Variants in CIT observed in about 807,000 individuals in gnomAD.
The protein encoded by CIT is citron rho-interacting serine/threonine kinase, also known as citron Rho-interacting kinase.
CIT carries 79 observed loss-of-function variants against 272.7 expected under a neutral mutation model. The ratio of observed to expected loss-of-function variants is 0.29; its 90% CI spans 0.24 to 0.35. The LOEUF is 0.35. Among genes scored for constraint, CIT ranks in the 10% least tolerant of loss-of-function variants. CIT has a pLI of 1.00. For missense variants in CIT, 1,909 were observed against 2,618.3 expected (o/e 0.73, Z 5.91); for synonymous variants, 948 against 995.6 (o/e 0.95, Z 0.90).
At chr12:119,823,136 A>G (rs1967868465) in intron 8 of CIT, among the ~76,000 whole-genome samples, 163 bp from the exon 9 acceptor site, 1 of 152,058 alleles carries the variant, frequency 6.6e-6, no homozygotes, top group Non-Finnish European at 1.5e-5. Flanking sequence ...CGTGTTCCCA[A>G]AATAAGTGGC....
intron 5 of CIT, among the ~76,000 whole-genome samples, chr12:119,848,853 C>A (rs1331391039): frequency 6.6e-6 from 1 of 152,018 alleles, no homozygotes; most frequent in Non-Finnish European, 1.5e-5. Context: ...TGGCAAAACC[C>A]CGTCTCTACT....
intron 28 of CIT, among the ~76,000 whole-genome samples, chr12:119,724,631 C>T (rs1399031191): frequency 6.6e-6 from 1 of 152,016 alleles, no homozygotes; most frequent in East Asian, 1.9e-4. Context: ...TTCCAATGAA[C>T]AGATAGTGGC....
chr12:119,846,862 G>C (rs1969841273), intron 5 of CIT, among the ~76,000 whole-genome samples: 1 of 151,038 alleles, frequency 6.6e-6, no homozygotes, highest in South Asian at 2.1e-4. Flanking sequence ...CTATGATCAT[G>C]CCACTGCAAC....
Position 119,770,515 on chromosome 12 carries a change from G to A in CIT, c.2208+270C>T, listed in dbSNP as rs1305337521. ...CTTTAAAAATGTATTGAAAATGATAGATGCACGTTCCACTAAAAAAAAAAA... is the reference window on the plus strand; with the variant it reads ...CTTTAAAAATGTATTGAAAATGATAAATGCACGTTCCACTAAAAAAAAAAA... On this transcript the variant is annotated intron_variant, in intron 18 of 47. Transcript: ENST00000392521. The surrounding 1 kb of genome is among the most constrained non-coding windows in gnomAD (Gnocchi z 4.4). Among the ~76,000 whole-genome samples the A allele has an allele frequency of 8.2e-6, 1 of 122,370 alleles. No individual in the cohort carries two copies. The highest frequency in any genetic ancestry group is 1.7e-5 in the Non-Finnish European group (1 of 60,236). The allele number at this position is 122,370 out of a possible 152,430, so 80.3% of individuals were successfully genotyped here.
rs1956315687 is a variant in CIT at position 119,697,847 on chromosome 12, T to A, written c.5703-9A>T. On this transcript the variant is annotated splice_polypyrimidine_tract_variant and intron_variant, in intron 45 of 47. Transcript: ENST00000392521. This position sits in a 1 kb window ranked among gnomAD's most constrained non-coding sequence, Gnocchi z 4.9. Reference sequence around the variant, plus strand: ...ACGCTCGGGCAGGGGTCCTGCAGAGTCCCAGAGTTCCAGTTACCTTCATTG... The same window carrying A: ...ACGCTCGGGCAGGGGTCCTGCAGAGACCCAGAGTTCCAGTTACCTTCATTG... 6.2e-7 allele frequency: 1 copy of A among 1,613,496 alleles called. No homozygotes were observed.
intron 13 of CIT, among the ~76,000 whole-genome samples, chr12:119,780,032 A>G (rs1964141272): frequency 6.6e-6 from 1 of 152,206 alleles, no homozygotes; most frequent in African/African-American, 2.4e-5. Flanking sequence ...GGGGAACTGC[A>G]GACAGGTTTC....
intron 9 of CIT, among the ~76,000 whole-genome samples, chr12:119,803,716 T>A (rs1966406927): frequency 6.6e-6 from 1 of 152,184 alleles, no homozygotes; most frequent in Non-Finnish European, 1.5e-5. Flanking sequence ...CTTCCTGCTG[T>A]TTCCAGAAGG....
Position 119,804,075 on chromosome 12 carries a change from A to G in CIT, c.1112-686T>C. ...TGCAGTTTAATCAGCATAATGAAGC[A>G]CCAGCCAAATAAAGTTCCTACCGGT... On this transcript the variant is annotated intron_variant, in intron 9 of 47. Coordinates refer to ENST00000392521, the MANE Select transcript of CIT (RefSeq NM_001206999.2). This position sits in a 1 kb window ranked among gnomAD's most constrained non-coding sequence, Gnocchi z 5.3. 3 of 727,836 alleles carry G rather than the reference A, an allele frequency of 4.1e-6. No individual in the cohort carries two copies. The highest frequency in any genetic ancestry group is 5.0e-6 in the Non-Finnish European group (3 of 595,160). 45.1% of individuals were successfully genotyped at this position (727,836 alleles called of 1,614,324 possible).
At chr12:119,840,288 A>T (rs1346525694) in intron 5 of CIT, among the ~76,000 whole-genome samples, 1 of 152,230 alleles carries the variant, frequency 6.6e-6, no homozygotes, top group East Asian at 1.9e-4. Flanking sequence ...ACTGCACTCC[A>T]GCTTGGATGA....
intron 5 of CIT, among the ~76,000 whole-genome samples, chr12:119,848,824 G>A (rs7484669): frequency 6.6e-6 from 1 of 152,076 alleles, no homozygotes; most frequent in Non-Finnish European, 1.5e-5. Context: ...TCAGGACTTC[G>A]AAACCAGCCT....
At chr12:119,745,206 C>A (rs577285230) in intron 23 of CIT, among the ~76,000 whole-genome samples, 3 of 138,096 alleles carry the variant, frequency 2.2e-5, no homozygotes, top group Non-Finnish European at 3.1e-5. Flanking sequence ...AAAAGAAAAT[C>A]TTAAAAAAAA....
chr12:119,742,030 A>G (rs1313324829), intron 24 of CIT, among the ~76,000 whole-genome samples: 1 of 152,114 alleles, frequency 6.6e-6, no homozygotes. Flanking sequence ...CACAGATACA[A>G]CTGCCCTGGT....
chr12:119,744,744 A>T (rs951760686), intron 23 of CIT, among the ~76,000 whole-genome samples: 4 of 150,998 alleles, frequency 2.6e-5, no homozygotes, highest in African/African-American at 9.7e-5. Flanking sequence ...AGTCTATAAG[A>T]TAACTGAGTC....
intron 39 of CIT, among the ~76,000 whole-genome samples, chr12:119,709,988 C>T (rs568999872): frequency 6.6e-6 from 1 of 152,242 alleles, no homozygotes; most frequent in African/African-American, 2.4e-5. Flanking sequence ...TTTAGATAGT[C>T]TTCGAGGCTT....
intron 5 of CIT, among the ~76,000 whole-genome samples, chr12:119,839,397 C>T (rs1035810939): frequency 2.6e-5 from 4 of 152,190 alleles, no homozygotes; most frequent in Admixed American, 2.0e-4. Flanking sequence ...AATGTTTGCA[C>T]GCTCAGCACA....
chr12:119,813,262 G>A (rs1966874408), intron 9 of CIT, among the ~76,000 whole-genome samples: 1 of 152,208 alleles, frequency 6.6e-6, no homozygotes, highest in African/African-American at 2.4e-5. Flanking sequence ...ATCCCAAACT[G>A]CCAGTGCTGT....
chr12:119,857,842 A>G (rs1477645711), intron 3 of CIT, 144 bp from the exon 4 acceptor site: 1 of 764,196 alleles, frequency 1.3e-6, no homozygotes, highest in African/African-American at 1.8e-5. Context: ...ATCATGAATA[A>G]TTATAAAATC....
chr12:119,825,164 C>T lies in CIT; in HGVS notation c.957+1G>A. ...TTCGAAATCTTCTAAGGACTCTTTA[C>T]CTGGAAATTCATAATGTTATTGAAG... On this transcript the variant is annotated splice_donor_variant, in intron 8 of 47. Transcript: ENST00000392521. LOFTEE classifies it high-confidence loss of function. 1.2e-6 allele frequency: 2 copies of T among 1,611,692 alleles called. No homozygotes were observed. The highest frequency in any genetic ancestry group is 1.3e-5 in the African/African-American group (1 of 74,842).
rs1367331613 is a variant in CIT, at chr12:119,793,381, G to C, written c.1296-8316C>G. ...TTCATTGCCTCTCACCTGGATGACT[G>C]CAATAACCACACTTACCTCCCTGGA... On this transcript the variant is annotated intron_variant, in intron 10 of 47. Coordinates refer to ENST00000392521, the MANE Select transcript of CIT (RefSeq NM_001206999.2). Among the ~76,000 whole-genome samples the C allele has an allele frequency of 2.6e-5, 4 of 152,246 alleles. No homozygotes were observed. In the South Asian group the frequency reaches 8.3e-4, roughly 32 times the overall value.
Sources: allele counts gnomAD v4.1 joint callset (sites outside exome capture counted in the v4.1 genomes callset), GRCh38; gene constraint gnomAD v4.1.1; non-coding constraint Gnocchi (gnomAD v3.1); transcripts MANE v1.5; gene names NCBI Gene and HGNC (gene_info 2026-07-23, HGNC 2026-07-21).